FER1L6: variants seen among roughly 807,000 people sequenced by gnomAD.
FER1L6 encodes fer-1 like family member 6, also known as fer-1-like protein 6.
A neutral mutation model predicts 219.2 loss-of-function variants in FER1L6; 177 were observed. That is an observed-to-expected ratio of 0.81 (90% CI 0.71 to 0.91). The LOEUF (loss-of-function observed/expected upper bound fraction) is 0.91. Ranked by LOEUF, FER1L6 falls within the 40% of genes least tolerant of loss-of-function variation. The pLI is 0.00. For synonymous variants in FER1L6, 768 were observed against 824.3 expected (o/e 0.93, Z 1.17); for missense variants, 2,153 against 2,259.9 (o/e 0.95, Z 0.96).
chr8:124,060,934 A>G (rs1271467659), intron 24 of FER1L6: 2 of 403,026 alleles, frequency 5.0e-6, no homozygotes, highest in East Asian at 9.9e-5. Flanking sequence ...TTTTCCTATA[A>G]CAGTGGTTCC....
chr8:124,004,269 G>A (rs769003704), intron 13 of FER1L6: 1 of 152,074 alleles, frequency 6.6e-6, no homozygotes, highest in African/African-American at 2.4e-5. Flanking sequence ...TTTTTTAAAA[G>A]AAAGTGGTGT....
chr8:123,877,464 G>C (rs1817022489), intron 1 of FER1L6, among the ~76,000 whole-genome samples: 1 of 152,116 alleles, frequency 6.6e-6, no homozygotes, highest in Admixed American at 6.5e-5. Context: ...GGATTTGTGG[G>C]GGCTTTGGGA....
intron 1 of FER1L6, among the ~76,000 whole-genome samples, chr8:123,908,944 T>C (rs1402733095): frequency 1.3e-5 from 2 of 152,196 alleles, no homozygotes; most frequent in Non-Finnish European, 2.9e-5. Flanking sequence ...ATCACTATTA[T>C]GAGTGAAGCT....
chr8:123,882,965 G>A (rs1817136030), intron 1 of FER1L6, among the ~76,000 whole-genome samples: 1 of 152,080 alleles, frequency 6.6e-6, no homozygotes, highest in Admixed American at 6.6e-5. Context: ...GATGGGGAAG[G>A]GTATACATGT....
chr8:124,044,334 CTTG>C (rs1463530350), intron 20 of FER1L6, among the ~76,000 whole-genome samples: 3 of 152,258 alleles, frequency 2.0e-5, no homozygotes, highest in East Asian at 3.9e-4. Flanking sequence ...CGTTTAAAAT[CTTG>C]TTGTGTCTCA....
chr8:124,111,129 G>A lies in FER1L6; in HGVS notation c.5290-7715G>A, dbSNP rs781412650. On this transcript the variant is annotated intron_variant, in intron 39 of 40. Coordinates refer to ENST00000522917, the MANE Select transcript of FER1L6 (RefSeq NM_001039112.2). The surrounding 1 kb of genome is among the most constrained non-coding windows in gnomAD (Gnocchi z 5.0). ...TCAGCTTTCAAAACAATTTATATAC[G>A]TTACAGAGAGAAGAGAAAGTACTTA... Among the ~76,000 whole-genome samples, 1 of 152,174 alleles carries A rather than the reference G, an allele frequency of 6.6e-6. No homozygotes were observed. The highest frequency in any genetic ancestry group is 1.9e-4 in the East Asian group (1 of 5,184).
chr8:123,945,813 G>A (rs748049546), intron 1 of FER1L6, among the ~76,000 whole-genome samples: 7 of 152,168 alleles, frequency 4.6e-5, no homozygotes, highest in African/African-American at 7.2e-5. Context: ...GATTCTTTGC[G>A]AGTCATATTT....
At chr8:124,011,976 A>T (rs1817956073) in intron 14 of FER1L6, among the ~76,000 whole-genome samples, 2 of 152,202 alleles carry the variant, frequency 1.3e-5, no homozygotes, top group Admixed American at 6.5e-5. Flanking sequence ...GCCAATCAAT[A>T]TCCAATCAAT....
At chr8:123,923,516 A>G (rs186616220) in intron 1 of FER1L6, among the ~76,000 whole-genome samples, 1 of 152,328 alleles carries the variant, frequency 6.6e-6, no homozygotes, top group Non-Finnish European at 1.5e-5. Flanking sequence ...GAGTTCTCAG[A>G]AAAAGTTATG....
intron 37 of FER1L6, among the ~76,000 whole-genome samples, chr8:124,098,423 T>C (rs1262967941): frequency 1.3e-5 from 2 of 152,124 alleles, no homozygotes; most frequent in Admixed American, 6.5e-5. Context: ...TTTAAATCTG[T>C]ACCTTAACTA....
chr8:124,114,894 C>CATATATAT (rs1563808836), intron 39 of FER1L6, among the ~76,000 whole-genome samples: 1 of 30,930 alleles, frequency 3.2e-5, no homozygotes, highest in Non-Finnish European at 7.9e-5. Context: ...TGTGTGTGTG[C>CATATATAT]GTATATATAT....
intron 27 of FER1L6, among the ~76,000 whole-genome samples, chr8:124,067,562 T>C (rs1473354619): frequency 6.6e-6 from 1 of 152,220 alleles, no homozygotes; most frequent in Non-Finnish European, 1.5e-5. Flanking sequence ...GAAGTGCGGA[T>C]ACCTCTTTTT....
intron 1 of FER1L6, among the ~76,000 whole-genome samples, chr8:123,876,852 T>C (rs565406764): frequency 6.6e-6 from 1 of 152,332 alleles, no homozygotes; most frequent in African/African-American, 2.4e-5. Context: ...GAACTGAGAA[T>C]GGTCCCTGTC....
chr8:124,095,223 AAATT>A (rs1822229179), intron 35 of FER1L6, among the ~76,000 whole-genome samples, 185 bp downstream of exon 35: 1 of 152,206 alleles, frequency 6.6e-6, no homozygotes, highest in African/African-American at 2.4e-5. Flanking sequence ...GGATGCTGCT[AAATT>A]AAACATCCTA....
intron 1 of FER1L6, among the ~76,000 whole-genome samples, chr8:123,931,616 TA>T (rs1405484528): frequency 2.6e-5 from 4 of 152,228 alleles, no homozygotes; most frequent in Admixed American, 2.0e-4. Flanking sequence ...AAAGACAATG[TA>T]TTTTTGTTTG....
At chr8:124,091,115 C>A (rs1299093865) in intron 33 of FER1L6, among the ~76,000 whole-genome samples, 1 of 152,082 alleles carries the variant, frequency 6.6e-6, no homozygotes, top group African/African-American at 2.4e-5. Context: ...TTGTGAATAT[C>A]CTAAATGCTA....
At chr8:124,096,284 C>T (rs1414388258) in intron 35 of FER1L6, among the ~76,000 whole-genome samples, 1 of 152,098 alleles carries the variant, frequency 6.6e-6, no homozygotes, top group Non-Finnish European at 1.5e-5. Context: ...AATAAATCAT[C>T]CTGCTTTTCT....
At chr8:123,967,955 C>T (rs911801447) in intron 5 of FER1L6, among the ~76,000 whole-genome samples, 4 of 146,770 alleles carry the variant, frequency 2.7e-5, no homozygotes, top group African/African-American at 1.0e-4. Flanking sequence ...GACGTTGTCT[C>T]AGGAAAAAAA....
intron 13 of FER1L6, among the ~76,000 whole-genome samples, chr8:124,006,414 G>T (rs1032087078): frequency 8.5e-5 from 13 of 152,058 alleles, no homozygotes; most frequent in Non-Finnish European, 1.8e-4. Flanking sequence ...TCACCATATT[G>T]AGGCTCTGTC....
Sources: gnomAD v4.1 joint callset for allele counts (sites outside exome capture counted in the v4.1 genomes callset) on GRCh38, gnomAD v4.1.1 for gene constraint, Gnocchi (gnomAD v3.1) non-coding constraint, MANE v1.5 for transcripts, NCBI Gene and HGNC (gene_info 2026-07-23, HGNC 2026-07-21) for gene names.